The following NWD1 variants were observed in gnomAD, a reference collection of about 807,000 sequenced individuals.
NWD1 encodes the protein NACHT and WD repeat domain containing 1.
Under a neutral mutation model 135.1 loss-of-function variants are expected in NWD1, and 129 were observed. That is an observed-to-expected ratio of 0.96 (90% CI 0.83 to 1.11). NWD1 has a LOEUF of 1.11. Ranked by LOEUF, NWD1 falls within the 50% of genes least tolerant of loss-of-function variation. The probability of loss-of-function intolerance (pLI) is 0.00; values close to 1 mark genes in which losing one functional copy is unlikely to be tolerated. For synonymous variants in NWD1, 773 were observed against 786.0 expected, an observed-to-expected ratio of 0.98 and a Z score of 0.28; for missense variants, 1,740 against 1,851.3, an observed-to-expected ratio of 0.94 and a Z score of 1.10.
intron 3 of NWD1, among the ~76,000 whole-genome samples, chr19:16,735,223 G>C (rs911659292): frequency 6.6e-6 from 1 of 152,124 alleles, no homozygotes; most frequent in African/African-American, 2.4e-5. Flanking sequence ...GAACTTTGAG[G>C]ACAGGTGCAG....
At chr19:16,797,328 CTTTT>C (rs764836395) in intron 15 of NWD1, among the ~76,000 whole-genome samples, 1 of 120,334 alleles carries the variant, frequency 8.3e-6, no homozygotes. Context: ...CAAAACATCT[CTTTT>C]TTTTTTTTTT....
At chr19:16,751,783 A>T (rs1026144881) in intron 6 of NWD1, among the ~76,000 whole-genome samples, 47 of 150,960 alleles carry the variant, frequency 3.1e-4, no homozygotes, top group African/African-American at 1.0e-3. Context: ...CCTGGGCGAC[A>T]AAGGAAGACT....
chr19:16,752,030 G>T (rs1968602310), intron 6 of NWD1, among the ~76,000 whole-genome samples: 1 of 152,086 alleles, frequency 6.6e-6, no homozygotes. Context: ...ACAAGCAGCA[G>T]AGAGGAAGGG....
chr19:16,812,850 G>A, intron 18 of NWD1: 1 of 780,970 alleles, frequency 1.3e-6, no homozygotes, highest in Non-Finnish European at 2.4e-6. Flanking sequence ...TGTGCTGGAT[G>A]GTGAGTCATT....
intron 10 of NWD1, among the ~76,000 whole-genome samples, chr19:16,766,032 AAAAG>A (rs559026309): frequency 2.8e-5 from 4 of 144,700 alleles, no homozygotes; most frequent in African/African-American, 5.6e-5. Flanking sequence ...AAAAAAAAAA[AAAAG>A]AAAGAAAGAA....
chr19:16,790,400 A>G (rs757951041), intron 13 of NWD1, among the ~76,000 whole-genome samples: 11 of 152,008 alleles, frequency 7.2e-5, no homozygotes, highest in Non-Finnish European at 1.6e-4. Flanking sequence ...ATCAGTGCAT[A>G]TAAATCATGC....
chr19:16,733,903 T>G (rs1967682230), intron 3 of NWD1, among the ~76,000 whole-genome samples: 1 of 151,978 alleles, frequency 6.6e-6, no homozygotes, highest in African/African-American at 2.4e-5. Flanking sequence ...CTTCCTCCAG[T>G]CACATTGAGT....
intron 11 of NWD1, 100 bp downstream of exon 11, chr19:16,773,423 C>G: frequency 2.0e-6 from 2 of 1,023,166 alleles, no homozygotes; most frequent in South Asian, 1.5e-5. Context: ...CTCCCCTGTG[C>G]TAGTTGGGAG....
intron 6 of NWD1, among the ~76,000 whole-genome samples, chr19:16,758,301 G>C (rs1968873552): frequency 6.6e-6 from 1 of 152,106 alleles, no homozygotes; most frequent in Admixed American, 6.6e-5. Flanking sequence ...TTTAGAGACA[G>C]GGCCTCACTC....
At chr19:16,745,809 C>T (rs1451138995) in intron 5 of NWD1, among the ~76,000 whole-genome samples, 1 of 152,004 alleles carries the variant, frequency 6.6e-6, no homozygotes, top group East Asian at 1.9e-4. Context: ...CCCAGCTACT[C>T]AGGAGGCTGA....
intron 15 of NWD1, among the ~76,000 whole-genome samples, chr19:16,795,981 A>G (rs371786545): frequency 6.6e-6 from 1 of 152,130 alleles, no homozygotes; most frequent in Non-Finnish European, 1.5e-5. Context: ...TTGAAAAGTG[A>G]TAAGGACAGA....
chr19:16,789,510 A>G (rs1473222831), intron 13 of NWD1, among the ~76,000 whole-genome samples: 4 of 152,096 alleles, frequency 2.6e-5, no homozygotes, highest in Non-Finnish European at 5.9e-5. Flanking sequence ...ATTTACATTC[A>G]GTTTAAAATA....
rs1428014222 is a variant in NWD1 at position 16,744,678 on chromosome 19, G to A, written c.456G>A (p.Gly152=). ...RSGAQEARRL[G]LITQEQWQHY... is the part of the protein sequence containing the mutation. ...GAGCCCAGGAGGCCCGGAGGCTGGG[G>A]CTCATCACCCAGGAGCAGTGGCAGC... is the stretch of plus-strand genomic sequence containing the variant. Residue 152 remains glycine, a synonymous_variant, in exon 5 of 19, where the codon GGG becomes GGA. Transcript: ENST00000524140. The A allele has an allele frequency of 2.0e-6, 3 of 1,536,012 alleles. No individual in the cohort carries two copies. Among genetic ancestry groups the A allele is most frequent in the East Asian group, 4.9e-5 (2 of 40,910 alleles).
At position 16,785,783 on chromosome 19, in the gene NWD1, T is replaced by C. The variant is rs535524206; in HGVS notation, c.2732-3199T>C. Among the ~76,000 whole-genome samples, 24 of 147,548 alleles carry C rather than the reference T, an allele frequency of 1.6e-4. No individual in the cohort carries two copies. In the South Asian group the frequency reaches 4.2e-3, roughly 26 times the overall value. ...ATATATACAAAAACAAATATATACATAAATATATAAATATATACTATATAT... is the reference window on the plus strand; with the variant it reads ...ATATATACAAAAACAAATATATACACAAATATATAAATATATACTATATAT... On this transcript the variant is annotated intron_variant, in intron 12 of 18. Coordinates refer to ENST00000524140, the MANE Select transcript of NWD1 (RefSeq NM_001007525.5).
At chr19:16,796,519 C>T (rs558562223) in intron 15 of NWD1, among the ~76,000 whole-genome samples, 14 of 152,308 alleles carry the variant, frequency 9.2e-5, no homozygotes, top group African/African-American at 3.4e-4. Context: ...CATTTGGAAA[C>T]AGCAGCCCAG....
chr19:16,763,195 T>C (rs1447381591), intron 8 of NWD1, among the ~76,000 whole-genome samples: 1 of 151,978 alleles, frequency 6.6e-6, no homozygotes, highest in Non-Finnish European at 1.5e-5. Context: ...CTCCAGGACA[T>C]GGTCTGAGCC....
chr19:16,765,364 C>T (rs965660863), intron 10 of NWD1, among the ~76,000 whole-genome samples, 172 bp downstream of exon 10: 6 of 152,132 alleles, frequency 3.9e-5, no homozygotes, highest in African/African-American at 1.4e-4. Context: ...CATGTGGTAT[C>T]GCTGTGTCAC....
At chr19:16,764,514 T>C (rs1969146991) in intron 9 of NWD1, among the ~76,000 whole-genome samples, 1 of 151,878 alleles carries the variant, frequency 6.6e-6, no homozygotes, top group South Asian at 2.1e-4. Context: ...TGTCTGTCCA[T>C]CCATCCATCC....
At chr19:16,781,633 T>C (rs1054894894) in intron 12 of NWD1, among the ~76,000 whole-genome samples, 6 of 151,744 alleles carry the variant, frequency 4.0e-5, no homozygotes, top group Admixed American at 6.6e-5. Context: ...AAAGCAAGAC[T>C]ACATTTATTT....
Sources: gnomAD v4.1 joint callset for allele counts (sites outside exome capture counted in the v4.1 genomes callset) on GRCh38, gnomAD v4.1.1 for gene constraint, MANE v1.5 for transcripts, NCBI Gene and HGNC (gene_info 2026-07-23, HGNC 2026-07-21) for gene names.